Variants in NTAN1 observed in about 807,000 individuals in gnomAD.
NTAN1 encodes the protein protein N-terminal asparagine amidohydrolase.
NTAN1 carries 32 observed loss-of-function variants against 41.9 expected under a neutral mutation model. The observed-to-expected ratio is 0.76, with a 90% CI of 0.58 to 1.03. NTAN1 has a LOEUF of 1.03. NTAN1 is among the 50% of genes least tolerant of loss of function. The pLI is 0.00. For missense variants in NTAN1, 377 were observed against 377.5 expected, an observed-to-expected ratio of 1.00 and a Z score of 0.01; for synonymous variants, 140 against 139.5, an observed-to-expected ratio of 1.00 and a Z score of -0.03.
intron 4 of NTAN1, chr16:15,044,671 G>T: frequency 1.9e-6 from 1 of 524,864 alleles, no homozygotes; most frequent in Non-Finnish European, 3.4e-6. Context: ...TGCACCAGTG[G>T]GGAACTTTGC....
intron 1 of NTAN1, among the ~76,000 whole-genome samples, chr16:15,052,943 C>A (rs1199879411): frequency 6.6e-6 from 1 of 152,168 alleles, no homozygotes; most frequent in African/African-American, 2.4e-5. Context: ...ACCGAGTACC[C>A]AGTGACTGGT....
At chr16:15,050,112 G>A (rs1047269262) in intron 1 of NTAN1, among the ~76,000 whole-genome samples, 38 of 152,258 alleles carry the variant, frequency 2.5e-4, no homozygotes, top group Middle Eastern at 3.4e-3. Flanking sequence ...GCAAATTTAC[G>A]AAAGGTATGT....
chr16:15,051,982 C>T (rs886575757), intron 1 of NTAN1, among the ~76,000 whole-genome samples: 2 of 151,944 alleles, frequency 1.3e-5, no homozygotes, highest in Non-Finnish European at 2.9e-5. Flanking sequence ...TTCTTAACCT[C>T]TAATATGCTC....
In NTAN1 at chr16:15,047,570, G is replaced by A. The variant is rs2044126092; in HGVS notation, c.251-20C>T. 1 of 1,551,476 alleles carries A rather than the reference G, an allele frequency of 6.4e-7. No individual in the cohort carries two copies. The highest frequency in any genetic ancestry group is 8.9e-7 in the Non-Finnish European group (1 of 1,122,764). ...CATTACCTGAAGAACAAGGGTGAAA[G>A]GACTCAAGTTATTCCCTGATGCGAG... On this transcript the variant is annotated intron_variant, in intron 3 of 9. Transcript: ENST00000287706.
chr16:15,037,961 C>G lies in NTAN1; in HGVS notation c.*70G>C. Reference sequence around the variant, plus strand: ...GACCCAACAGATGTAGGATCCAGATCTGGATTCGTGCCAGCCCCACCAATG... The same window carrying G: ...GACCCAACAGATGTAGGATCCAGATGTGGATTCGTGCCAGCCCCACCAATG... On this transcript the variant is annotated 3_prime_UTR_variant, in exon 10 of 10. Coordinates refer to ENST00000287706, the MANE Select transcript of NTAN1 (RefSeq NM_173474.4). 8.7e-7 allele frequency: 1 copy of G among 1,151,330 alleles called. No individual in the cohort carries two copies. Among genetic ancestry groups the G allele is most frequent in the Non-Finnish European group, 1.3e-6 (1 of 783,326 alleles). 71.3% of individuals were successfully genotyped at this position (1,151,330 alleles called of 1,614,324 possible).
chr16:15,051,426 C>T (rs1281050940), intron 1 of NTAN1, among the ~76,000 whole-genome samples: 1 of 152,214 alleles, frequency 6.6e-6, no homozygotes, highest in African/African-American at 2.4e-5. Flanking sequence ...GATCGTGGCT[C>T]ACTGCAGCCT....
rs542738123 is a variant in NTAN1 at position 15,048,116 on chromosome 16, A to T, written c.82-17T>A. ...GGCTCTTTCCTGTTTAATTAAAAAA[A>T]AAATAAAATAGTGATGTAAATTAGT... On this transcript the variant is annotated splice_polypyrimidine_tract_variant and intron_variant, in intron 1 of 9. Transcript: ENST00000287706. The T allele has an allele frequency of 9.2e-6, 14 of 1,515,284 alleles. No individual in the cohort carries two copies. The highest frequency in any genetic ancestry group is 2.4e-5 in the South Asian group (2 of 84,430). The allele number at this position is 1,515,284 out of a possible 1,614,324, so 93.9% of individuals were successfully genotyped here. A position where few individuals can be genotyped will look rare whatever the true frequency, so the allele number is the denominator to read the frequency against.
intron 9 of NTAN1, 141 bp from the exon 10 acceptor site, chr16:15,038,351 GAAA>G (rs2043637368): frequency 3.1e-6 from 2 of 651,804 alleles, no homozygotes; most frequent in Admixed American, 6.9e-5. Flanking sequence ...GAATTAGTAA[GAAA>G]AAAGTTGATT....
chr16:15,039,008 G>A (rs146278527), intron 8 of NTAN1, among the ~76,000 whole-genome samples: 186 of 152,288 alleles, frequency 1.2e-3, no homozygotes, highest in Middle Eastern at 6.8e-3. Context: ...CCTCAGAGCT[G>A]GACCTCAAAC....
rs2044140609 is a variant in NTAN1, at chr16:15,047,911, G to T, written c.194C>A (p.Ser65Tyr). 1 of 1,613,178 alleles carries T rather than the reference G, an allele frequency of 6.2e-7. No homozygotes were observed. The highest frequency in any genetic ancestry group is 1.7e-5 in the Admixed American group (1 of 59,992). Reference sequence around the variant, plus strand: ...AGTGGCATCATCAGAACCCAGAATGGAGATGGAGCCTGTTTAAAAAAGAAA... The same window carrying T: ...AGTGGCATCATCAGAACCCAGAATGTAGATGGAGCCTGTTTAAAAAAGAAA... ...AVTSPKDGSI[S>Y]ILGSDDATTC... Residue 65 changes from serine (S) to tyrosine (Y), a missense_variant, in exon 3 of 10, where the codon TCC (serine) becomes TAC (tyrosine). Ser to Tyr is a moderately radical substitution (Grantham distance 144). Transcript: ENST00000287706.
intron 7 of NTAN1, among the ~76,000 whole-genome samples, chr16:15,040,758 T>TG (rs1485722968): frequency 6.6e-6 from 1 of 152,070 alleles, no homozygotes; most frequent in Non-Finnish European, 1.5e-5. Context: ...CCTGGGGTGC[T>TG]GGGGGGAGAG....
In NTAN1 at chr16:15,039,868, A is replaced by G. The variant is rs1008498060; in HGVS notation, c.639+101T>C. On this transcript the variant is annotated intron_variant, in intron 8 of 9. Coordinates refer to ENST00000287706, the MANE Select transcript of NTAN1 (RefSeq NM_173474.4). ...CCCTGATAATGTACGGCTATAAAGA[A>G]GCTGACAGCATAAACTTTTCTAAGA... 13 of 699,170 alleles carry G rather than the reference A, an allele frequency of 1.9e-5. 1 individual carries two copies. Among genetic ancestry groups the G allele is most frequent in the Non-Finnish European group, 3.0e-5 (12 of 394,678 alleles). The allele number at this position is 699,170 out of a possible 1,614,324, so 43.3% of individuals were successfully genotyped here.
Position 15,056,069 on chromosome 16 carries a change from C to T in NTAN1, c.-98G>A. 1 of 401,004 alleles carries T rather than the reference C, an allele frequency of 2.5e-6. No homozygotes were observed. The highest frequency in any genetic ancestry group is 1.0e-4 in the South Asian group (1 of 9,948). The allele number at this position is 401,004 out of a possible 1,614,324, so 24.8% of individuals were successfully genotyped here. Reference sequence around the variant, plus strand: ...CCCCCGCCCCTCGGGCCGCGCGTCCCGCCTCGTCCTGCCCCGCCCCACCGC... The same window carrying T: ...CCCCCGCCCCTCGGGCCGCGCGTCCTGCCTCGTCCTGCCCCGCCCCACCGC... On this transcript the variant is annotated 5_prime_UTR_variant, in exon 1 of 10. Coordinates refer to ENST00000287706, the MANE Select transcript of NTAN1 (RefSeq NM_173474.4).
chr16:15,040,651 G>A (rs1006164036), intron 7 of NTAN1, among the ~76,000 whole-genome samples: 3 of 152,116 alleles, frequency 2.0e-5, no homozygotes, highest in African/African-American at 7.2e-5. Flanking sequence ...GAGGATTTCT[G>A]TTCTCAAGCA....
intron 9 of NTAN1, 169 bp from the exon 10 acceptor site, chr16:15,038,379 CCA>C (rs1430314399): frequency 8.1e-6 from 5 of 619,168 alleles, no homozygotes; most frequent in South Asian, 4.3e-5. Flanking sequence ...ACTGCTTTAC[CCA>C]CACACATTTC....
intron 1 of NTAN1, among the ~76,000 whole-genome samples, chr16:15,053,210 A>C (rs2044364001): frequency 6.6e-6 from 1 of 152,248 alleles, no homozygotes; most frequent in Non-Finnish European, 1.5e-5. Flanking sequence ...GCAGGCTGCC[A>C]GGGTTCCAAT....
intron 8 of NTAN1, among the ~76,000 whole-genome samples, chr16:15,039,554 A>T (rs2151685075): frequency 6.6e-6 from 1 of 152,308 alleles, no homozygotes; most frequent in East Asian, 1.9e-4. Flanking sequence ...TTTTGGGTTA[A>T]TTAAATTGTT....
At position 15,038,263 on chromosome 16, in the gene NTAN1, T is replaced by C. The variant is rs912258027; in HGVS notation, c.754-53A>G. 5.5e-6 allele frequency: 7 copies of C among 1,268,698 alleles called. No homozygotes were observed. In the African/African-American group the frequency reaches 1.0e-4, roughly 19 times the overall value. 78.6% of individuals were successfully genotyped at this position (1,268,698 alleles called of 1,614,324 possible). ...AGAAGCCAACCTTACTGTCCCCTGCTGTGATAAAGATGTCAAAGTATCTTT... is the reference window on the plus strand; with the variant it reads ...AGAAGCCAACCTTACTGTCCCCTGCCGTGATAAAGATGTCAAAGTATCTTT... On this transcript the variant is annotated intron_variant, in intron 9 of 9. Coordinates refer to ENST00000287706, the MANE Select transcript of NTAN1 (RefSeq NM_173474.4).
At chr16:15,047,323 G>C (rs559421619) in intron 4 of NTAN1, 119 bp downstream of exon 4, 2 of 713,970 alleles carry the variant, frequency 2.8e-6, no homozygotes, top group Non-Finnish European at 2.5e-6. Context: ...TGTTCCAGGG[G>C]AACGAGGCAG....
Sources: allele counts gnomAD v4.1 joint callset (sites outside exome capture counted in the v4.1 genomes callset), GRCh38; gene constraint gnomAD v4.1.1; transcripts MANE v1.5; gene names NCBI Gene and HGNC (gene_info 2026-07-23, HGNC 2026-07-21).